SAMMSON: variants seen among roughly 807,000 people sequenced by gnomAD.
SAMMSON encodes survival associated mitochondrial melanoma specific oncogenic non-coding RNA.
intron 4 of SAMMSON, among the ~76,000 whole-genome samples, chr3:70,212,796 CT>C (rs1363387002): frequency 6.7e-6 from 1 of 148,188 alleles, no homozygotes; most frequent in Non-Finnish European, 1.5e-5. Flanking sequence ...CATTTTCTCT[CT>C]CTTTTTTTGA....
intron 6 of SAMMSON, among the ~76,000 whole-genome samples, chr3:70,281,004 TA>T (rs35649680): frequency 2.4e-4 from 36 of 152,166 alleles, no homozygotes; most frequent in Non-Finnish European, 4.4e-4. Context: ...AACTTACGTA[TA>T]AAAAAATGAC....
intron 9 of SAMMSON, among the ~76,000 whole-genome samples, chr3:70,361,058 G>A (rs810912): frequency 0.099 from 14,981 of 152,048 alleles, 817 homozygotes; most frequent in African/African-American, 0.12. Context: ...AGAAAACTCA[G>A]CCTCAGAGGC....
chr3:70,009,042 A>G (rs1242231051), intron 1 of SAMMSON: 1 of 152,214 alleles, frequency 6.6e-6, no homozygotes, highest in Admixed American at 6.6e-5. Flanking sequence ...TTGGTTTGCC[A>G]GTATTTTATT....
chr3:70,058,058 C>G (rs1349653068), intron 3 of SAMMSON, among the ~76,000 whole-genome samples: 1 of 152,066 alleles, frequency 6.6e-6, no homozygotes, highest in African/African-American at 2.4e-5. Context: ...AATATCTCTT[C>G]ATTTTTTTCC....
chr3:70,137,422 G>T (rs554472725), intron 4 of SAMMSON, among the ~76,000 whole-genome samples: 9 of 152,130 alleles, frequency 5.9e-5, no homozygotes, highest in Admixed American at 1.3e-4. Context: ...AAAATTAGAA[G>T]AATAGTATTT....
At chr3:70,240,390 G>GT (rs1453686334) in intron 4 of SAMMSON, among the ~76,000 whole-genome samples, 4 of 151,764 alleles carry the variant, frequency 2.6e-5, no homozygotes, top group Non-Finnish European at 5.9e-5. Flanking sequence ...GAGCTATGTG[G>GT]TTTTTTGTCT....
At chr3:70,213,993 A>G (rs1383039251) in intron 4 of SAMMSON, among the ~76,000 whole-genome samples, 1 of 152,144 alleles carries the variant, frequency 6.6e-6, no homozygotes, top group African/African-American at 2.4e-5. Flanking sequence ...TCAAGAAAAA[A>G]TATATTTTCT....
At chr3:70,410,425 A>C (rs566071981) in intron 2 of SAMMSON, among the ~76,000 whole-genome samples, 5 of 152,310 alleles carry the variant, frequency 3.3e-5, no homozygotes, top group Non-Finnish European at 4.4e-5. Context: ...AGACATTGAT[A>C]GTCTACACTA....
intron 2 of SAMMSON, among the ~76,000 whole-genome samples, chr3:70,401,239 A>G (rs1312081960): frequency 4.6e-5 from 7 of 151,292 alleles, no homozygotes; most frequent in Non-Finnish European, 1.0e-4. Context: ...ATAATGTTTC[A>G]TATCATTACA....
chr3:70,032,087 C>T, intron 3 of SAMMSON, among the ~76,000 whole-genome samples: 1 of 152,174 alleles, frequency 6.6e-6, no homozygotes, highest in African/African-American at 2.4e-5. Flanking sequence ...CACTGGAATT[C>T]TATTTTTAAA....
chr3:70,053,409 A>G (rs763896615), intron 3 of SAMMSON, among the ~76,000 whole-genome samples: 5 of 152,122 alleles, frequency 3.3e-5, no homozygotes, highest in African/African-American at 7.2e-5. Flanking sequence ...CAATGGGGCA[A>G]TTGAACTAAC....
intron 3 of SAMMSON, among the ~76,000 whole-genome samples, chr3:70,063,259 G>A (rs577878550): frequency 3.0e-4 from 46 of 152,120 alleles, no homozygotes; most frequent in African/African-American, 1.1e-3. Flanking sequence ...TATAATATTT[G>A]AATAGGTTCA....
chr3:70,408,185 C>T (rs144275636), intron 2 of SAMMSON, among the ~76,000 whole-genome samples: 1 of 152,334 alleles, frequency 6.6e-6, no homozygotes, highest in East Asian at 1.9e-4. Flanking sequence ...TTCTCCTAGG[C>T]CTGTGGGCCA....
chr3:70,317,548 C>A (rs979779716), intron 7 of SAMMSON, among the ~76,000 whole-genome samples: 9 of 151,570 alleles, frequency 5.9e-5, no homozygotes, highest in Non-Finnish European at 1.0e-4. Context: ...TCTGTTGCAG[C>A]AGTCTGGAAC....
intron 9 of SAMMSON, among the ~76,000 whole-genome samples, chr3:70,373,021 C>A (rs188857513): frequency 1.3e-5 from 2 of 152,260 alleles, no homozygotes; most frequent in African/African-American, 4.8e-5. Context: ...TTTCAACTGT[C>A]AAACATAATT....
chr3:70,254,590 T>C (rs1315333637), intron 6 of SAMMSON, among the ~76,000 whole-genome samples: 1 of 152,194 alleles, frequency 6.6e-6, no homozygotes, highest in Admixed American at 6.5e-5. Flanking sequence ...GAGGTTATCA[T>C]ACTTAGCAAA....
chr3:70,312,792 A>G (rs1702466452), intron 7 of SAMMSON: 3 of 151,934 alleles, frequency 2.0e-5, no homozygotes. Flanking sequence ...AACAATAAAA[A>G]CCTTCTCCAG....
chr3:70,024,081 C>T (rs917002769), intron 3 of SAMMSON, among the ~76,000 whole-genome samples: 10 of 152,116 alleles, frequency 6.6e-5, no homozygotes, highest in South Asian at 2.1e-4. Context: ...AGCAGGTCTA[C>T]GCAATTCTGC....
chr3:70,080,550 A>G (rs1260187821), intron 4 of SAMMSON, among the ~76,000 whole-genome samples: 1 of 152,062 alleles, frequency 6.6e-6, no homozygotes, highest in East Asian at 1.9e-4. Flanking sequence ...CCTTCAGTGC[A>G]TGCTCTGTTT....
Sources: gnomAD v4.1 joint callset for allele counts (sites outside exome capture counted in the v4.1 genomes callset) on GRCh38, gnomAD v4.1.1 for gene constraint, MANE v1.5 for transcripts, NCBI Gene and HGNC (gene_info 2026-07-23, HGNC 2026-07-21) for gene names.